The following RFX7 variants were observed in gnomAD, a reference collection of about 807,000 sequenced individuals.
RFX7 encodes the protein DNA-binding protein RFX7.
A neutral mutation model predicts 111.8 loss-of-function variants in RFX7; 26 were observed. That is an observed-to-expected ratio of 0.23 (90% CI 0.17 to 0.32). RFX7 has a LOEUF of 0.32. RFX7 is among the 10% of genes least tolerant of loss of function. The probability of loss-of-function intolerance (pLI) is 1.00; values close to 1 mark genes in which losing one functional copy is unlikely to be tolerated. For synonymous variants in RFX7, 624 were observed against 624.4 expected, an observed-to-expected ratio of 1.00 and a Z score of 0.01; for missense variants, 1,573 against 1,772.9, an observed-to-expected ratio of 0.89 and a Z score of 2.02.
chr15:56,143,922 T>C (rs1471669878), intron 4 of RFX7, among the ~76,000 whole-genome samples: 5 of 152,176 alleles, frequency 3.3e-5, no homozygotes, highest in Non-Finnish European at 5.9e-5. Flanking sequence ...TAATTTTTAA[T>C]GATGAAACTA....
chr15:56,205,434 A>C (rs1236032078), intron 2 of RFX7, among the ~76,000 whole-genome samples: 3 of 152,186 alleles, frequency 2.0e-5, no homozygotes, highest in South Asian at 4.1e-4. Context: ...CTTTATCTCA[A>C]ATACTAACCT....
intron 8 of RFX7, among the ~76,000 whole-genome samples, chr15:56,099,276 T>C (rs564377768): frequency 1.2e-4 from 18 of 152,264 alleles, no homozygotes; most frequent in African/African-American, 4.3e-4. Flanking sequence ...ATTTCTGCTT[T>C]TCATCATTCT....
chr15:56,147,698 C>G (rs371668199), intron 3 of RFX7, among the ~76,000 whole-genome samples: 1 of 152,056 alleles, frequency 6.6e-6, no homozygotes, highest in Non-Finnish European at 1.5e-5. Flanking sequence ...CTCAGCCTTC[C>G]GAGCAGCTGG....
intron 2 of RFX7, among the ~76,000 whole-genome samples, chr15:56,209,032 A>G (rs578238456): frequency 1.2e-4 from 18 of 152,254 alleles, no homozygotes; most frequent in African/African-American, 4.3e-4. Flanking sequence ...CTAATGTCAG[A>G]CACCAAACCA....
intron 2 of RFX7, among the ~76,000 whole-genome samples, chr15:56,237,286 T>G (rs1262546977): frequency 6.6e-6 from 1 of 152,186 alleles, no homozygotes; most frequent in East Asian, 1.9e-4. Context: ...AAGAGAAGTT[T>G]TATTGCATAT....
At chr15:56,110,150 G>GC (rs1464783797) in intron 5 of RFX7, among the ~76,000 whole-genome samples, 1 of 131,464 alleles carries the variant, frequency 7.6e-6, no homozygotes, top group African/African-American at 2.9e-5. Context: ...GGGGGGGTCA[G>GC]CCCCCCGCCT....
chr15:56,125,643 G>A (rs1389285551), intron 5 of RFX7, among the ~76,000 whole-genome samples: 3 of 149,756 alleles, frequency 2.0e-5, no homozygotes, highest in Admixed American at 6.6e-5. Context: ...GTGTGTGTGT[G>A]TGTATGTGGC....
At chr15:56,139,301 G>A (rs1475834720) in intron 5 of RFX7, among the ~76,000 whole-genome samples, 2 of 151,694 alleles carry the variant, frequency 1.3e-5, no homozygotes, top group African/African-American at 4.8e-5. Context: ...ATTTCTTGGA[G>A]GCTTTGCTCA....
intron 5 of RFX7, among the ~76,000 whole-genome samples, chr15:56,117,299 A>G (rs953019528): frequency 1.3e-5 from 2 of 152,070 alleles, no homozygotes. Context: ...ATTTACTCAT[A>G]TGGGTGTTAG....
intron 5 of RFX7, among the ~76,000 whole-genome samples, chr15:56,140,318 G>C (rs1301176659): frequency 6.6e-6 from 1 of 151,622 alleles, no homozygotes; most frequent in Admixed American, 6.6e-5. Context: ...TAATCTCGTG[G>C]TGCGCCGCTT....
intron 2 of RFX7, among the ~76,000 whole-genome samples, chr15:56,235,406 C>T (rs539442985): frequency 2.6e-5 from 4 of 152,198 alleles, no homozygotes; most frequent in Non-Finnish European, 5.9e-5. Flanking sequence ...GATCTCCTGA[C>T]CTCATGATCC....
At chr15:56,210,762 G>A (rs1001290614) in intron 2 of RFX7, among the ~76,000 whole-genome samples, 36 of 151,890 alleles carry the variant, frequency 2.4e-4, no homozygotes, top group African/African-American at 6.5e-4. Flanking sequence ...AAATGAAAAC[G>A]CAACATGTCA....
chr15:56,213,952 T>C (rs1255743466), intron 2 of RFX7, among the ~76,000 whole-genome samples: 1 of 152,206 alleles, frequency 6.6e-6, no homozygotes, highest in Non-Finnish European at 1.5e-5. Context: ...TAAACTTGGA[T>C]CCATTTCACT....
At chr15:56,223,207 C>T (rs375723184) in intron 2 of RFX7, among the ~76,000 whole-genome samples, 2 of 152,126 alleles carry the variant, frequency 1.3e-5, no homozygotes, top group African/African-American at 2.4e-5. Flanking sequence ...GCCCTGCACA[C>T]GTGGAGTTCG....
intron 5 of RFX7, among the ~76,000 whole-genome samples, chr15:56,115,065 C>T (rs1258345053): frequency 6.6e-6 from 1 of 152,090 alleles, no homozygotes; most frequent in Non-Finnish European, 1.5e-5. Flanking sequence ...GCCTTGAGTG[C>T]AATGGCGTGA....
intron 5 of RFX7, among the ~76,000 whole-genome samples, chr15:56,118,814 A>G (rs1452918639): frequency 6.6e-6 from 1 of 152,202 alleles, no homozygotes; most frequent in Non-Finnish European, 1.5e-5. Flanking sequence ...TCCCACCAAC[A>G]GTGTATGAAG....
At chr15:56,187,574 G>A (rs1335834547) in intron 2 of RFX7, among the ~76,000 whole-genome samples, 1 of 152,182 alleles carries the variant, frequency 6.6e-6, no homozygotes, top group Non-Finnish European at 1.5e-5. Flanking sequence ...TGTCTTGCTA[G>A]CTTAAAAAGG....
Position 56,090,630 on chromosome 15 carries a change from A to G in RFX7, c.*2715T>C, listed in dbSNP as rs767144605. 6.6e-6 allele frequency: 1 copy of G among 152,638 alleles called. No individual in the cohort carries two copies. The highest frequency in any genetic ancestry group is 1.5e-5 in the Non-Finnish European group (1 of 68,030). The allele number at this position is 152,638 out of a possible 1,614,324, so 9.5% of individuals were successfully genotyped here. A position where few individuals can be genotyped will look rare whatever the true frequency, so the allele number is the denominator to read the frequency against. ...AAAAGAGAACTGAAATGCTACCGCA[A>G]TATTCAACTACTGTAGTTTCAGCAG... On this transcript the variant is annotated 3_prime_UTR_variant, in exon 10 of 10. Transcript: ENST00000559447.
chr15:56,147,500 G>A (rs1031761104), intron 3 of RFX7, among the ~76,000 whole-genome samples: 1 of 152,094 alleles, frequency 6.6e-6, no homozygotes, highest in East Asian at 1.9e-4. Flanking sequence ...GATGGTACTT[G>A]TACAACACAG....
Sources: gnomAD v4.1 joint callset for allele counts (sites outside exome capture counted in the v4.1 genomes callset) on GRCh38, gnomAD v4.1.1 for gene constraint, MANE v1.5 for transcripts, NCBI Gene and HGNC (gene_info 2026-07-23, HGNC 2026-07-21) for gene names.